CCDC90B: variants seen among roughly 807,000 people sequenced by gnomAD.
The protein encoded by CCDC90B is coiled-coil domain containing 90B.
Under a neutral mutation model 37.0 loss-of-function variants are expected in CCDC90B, and 24 were observed. The ratio of observed to expected loss-of-function variants is 0.65; its 90% CI spans 0.47 to 0.91. The LOEUF is 0.91. Among genes scored for constraint, CCDC90B ranks in the 40% least tolerant of loss-of-function variants. The pLI, the probability that CCDC90B is intolerant of heterozygous loss-of-function variation, is 0.00. For missense variants in CCDC90B, 319 were observed against 299.0 expected, an observed-to-expected ratio of 1.07 and a Z score of -0.49; for synonymous variants, 113 against 101.1, an observed-to-expected ratio of 1.12 and a Z score of -0.71.
chr11:83,262,850 A>G (rs1038017939), intron 8 of CCDC90B, among the ~76,000 whole-genome samples: 1 of 152,210 alleles, frequency 6.6e-6, no homozygotes, highest in African/African-American at 2.4e-5. Flanking sequence ...TAATAACACT[A>G]AGAGTTTCTT....
chr11:83,274,775 T>C (rs771202224), intron 3 of CCDC90B, 35 bp from the exon 4 acceptor site: 10 of 1,273,212 alleles, frequency 7.9e-6, no homozygotes, highest in South Asian at 3.8e-5. Flanking sequence ...TAGTGATCTA[T>C]AGAAAGCCAT....
At position 83,274,753 on chromosome 11, in the gene CCDC90B, A is replaced by G; in HGVS notation, c.325-13T>C. The stretch of plus-strand genomic sequence containing the variant: ...GTACTGTTATTTCCTAGAAAACAAA[A>G]TAAAAATAACCTAGTGATCTATAGA... On this transcript the variant is annotated splice_polypyrimidine_tract_variant and intron_variant, in intron 3 of 8. Transcript: ENST00000529689. The G allele has an allele frequency of 6.6e-7, 1 of 1,519,590 alleles. No homozygotes were observed. Among genetic ancestry groups the G allele is most frequent in the Admixed American group, 1.7e-5 (1 of 57,246 alleles). 94.1% of individuals were successfully genotyped at this position (1,519,590 alleles called of 1,614,324 possible). A position where few individuals can be genotyped will look rare whatever the true frequency, so the allele number is the denominator to read the frequency against.
chr11:83,269,329 G>C (rs970533402), intron 7 of CCDC90B, among the ~76,000 whole-genome samples: 2 of 151,902 alleles, frequency 1.3e-5, no homozygotes, highest in African/African-American at 4.8e-5. Flanking sequence ...AGAGATAAGA[G>C]ACACAACAAA....
intron 4 of CCDC90B, chr11:83,274,341 A>G: frequency 3.7e-6 from 1 of 271,950 alleles, no homozygotes; most frequent in Non-Finnish European, 6.7e-6. Flanking sequence ...AAAATGCCGT[A>G]TTACTCTCAG....
intron 5 of CCDC90B, 28 bp from the exon 6 acceptor site, chr11:83,273,892 AATG>A: frequency 6.3e-7 from 1 of 1,596,448 alleles, no homozygotes; most frequent in Non-Finnish European, 8.5e-7. Context: ...ATATTTAAAA[AATG>A]ATCTTGTAAC....
In CCDC90B at chr11:83,273,714, A is replaced by G. The variant is rs2135631193; in HGVS notation, c.541-14T>C. 1 of 1,604,616 alleles carries G rather than the reference A, an allele frequency of 6.2e-7. No homozygotes were observed. Among genetic ancestry groups the G allele is most frequent in the Non-Finnish European group, 8.5e-7 (1 of 1,177,246 alleles). On this transcript the variant is annotated splice_polypyrimidine_tract_variant and intron_variant, in intron 6 of 8. Coordinates refer to ENST00000529689, the MANE Select transcript of CCDC90B (RefSeq NM_021825.5). The stretch of plus-strand genomic sequence containing the variant: ...TTGATCTGTAAACTATAGGATATGA[A>G]GCAGCAGGAAGTTAAAAAAAAAGTC...
At chr11:83,271,205 T>C (rs558540878) in intron 7 of CCDC90B, among the ~76,000 whole-genome samples, 6 of 152,304 alleles carry the variant, frequency 3.9e-5, no homozygotes, top group East Asian at 1.9e-4. Context: ...ATTCAGGACA[T>C]AGGCATGTGC....
chr11:83,273,555 T>TA, intron 7 of CCDC90B, 92 bp downstream of exon 7: 1 of 1,016,504 alleles, frequency 9.8e-7, no homozygotes, highest in African/African-American at 1.6e-5. Flanking sequence ...GGGTAGTTTT[T>TA]AAAAGTCTAA....
chr11:83,274,277 C>T (rs1158800870), intron 4 of CCDC90B: 2 of 307,338 alleles, frequency 6.5e-6, no homozygotes, highest in Non-Finnish European at 1.2e-5. Flanking sequence ...GACTTAATTA[C>T]AGAAATATAC....
intron 1 of CCDC90B, among the ~76,000 whole-genome samples, chr11:83,284,277 C>T (rs899971024): frequency 2.0e-5 from 3 of 152,222 alleles, no homozygotes; most frequent in African/African-American, 7.2e-5. Flanking sequence ...GCCTATCTTG[C>T]ACCAAGCTCC....
chr11:83,280,000 T>G, intron 2 of CCDC90B, 141 bp downstream of exon 2: 2 of 722,088 alleles, frequency 2.8e-6, no homozygotes, highest in Non-Finnish European at 4.2e-6. Flanking sequence ...AGTATCATTT[T>G]TAGTGACTAT....
Position 83,278,716 on chromosome 11 carries a change from AGTGTATTACCT to A in CCDC90B, c.323_324+9del. 1 of 1,505,510 alleles carries A rather than the reference AGTGTATTACCT, an allele frequency of 6.6e-7. No homozygotes were observed. The highest frequency in any genetic ancestry group is 9.2e-7 in the Non-Finnish European group (1 of 1,086,302). 93.3% of individuals were successfully genotyped at this position (1,505,510 alleles called of 1,614,324 possible). Reference sequence around the variant, plus strand: ...GAAAGTATCAGAAGTGATAGTAATCAGTGTATTACCTGTTGAGCTTGAGTGACCATCTCTTT... The same window carrying A: ...GAAAGTATCAGAAGTGATAGTAATCAGTTGAGCTTGAGTGACCATCTCTTT... On this transcript the variant is annotated splice_donor_variant and splice_donor_5th_base_variant and coding_sequence_variant and intron_variant, in exon 3 of 9. Coordinates refer to ENST00000529689, the MANE Select transcript of CCDC90B (RefSeq NM_021825.5). LOFTEE classifies it high-confidence loss of function.
chr11:83,261,610 CAAACATAAG>C lies in CCDC90B; in HGVS notation c.*292_*300del, dbSNP rs1382003745. On this transcript the variant is annotated 3_prime_UTR_variant, in exon 9 of 9. Transcript: ENST00000529689. Reference sequence around the variant, plus strand: ...TGTATGATTTACACAACTGTTCAAGCAAACATAAGAAAACTCTGGTTCAATTTCTATTAA... The same window carrying C: ...TGTATGATTTACACAACTGTTCAAGCAAAACTCTGGTTCAATTTCTATTAA... 1 of 210,980 alleles carries C rather than the reference CAAACATAAG, an allele frequency of 4.7e-6. No individual in the cohort carries two copies. The highest frequency in any genetic ancestry group is 2.3e-5 in the African/African-American group (1 of 43,514). The allele number at this position is 210,980 out of a possible 1,614,324, so 13.1% of individuals were successfully genotyped here.
At chr11:83,271,819 T>C (rs1864691932) in intron 7 of CCDC90B, among the ~76,000 whole-genome samples, 1 of 152,206 alleles carries the variant, frequency 6.6e-6, no homozygotes, top group Non-Finnish European at 1.5e-5. Flanking sequence ...TGCACACGTA[T>C]GTTTATTGAG....
At chr11:83,274,086 A>C (rs1049320226) in intron 4 of CCDC90B, 94 bp from the exon 5 acceptor site, 2 of 911,612 alleles carry the variant, frequency 2.2e-6, no homozygotes, top group Admixed American at 3.3e-5. Flanking sequence ...AAATTTGGAC[A>C]ATCTATGGAT....
chr11:83,268,152 G>A (rs1319793797), intron 7 of CCDC90B, among the ~76,000 whole-genome samples: 1 of 152,104 alleles, frequency 6.6e-6, no homozygotes, highest in Non-Finnish European at 1.5e-5. Context: ...GCAAAAACAT[G>A]CCAAATTGTA....
intron 1 of CCDC90B, 190 bp downstream of exon 1, chr11:83,285,683 C>T (rs1865640372): frequency 7.0e-7 from 1 of 1,422,080 alleles, no homozygotes; most frequent in African/African-American, 1.4e-5. Flanking sequence ...CAGTGCTTTC[C>T]TCAGTCCTCG....
intron 7 of CCDC90B, among the ~76,000 whole-genome samples, chr11:83,272,223 C>A (rs943800353): frequency 2.0e-5 from 3 of 152,118 alleles, no homozygotes; most frequent in Non-Finnish European, 2.9e-5. Flanking sequence ...ACGTTGTGCA[C>A]ATGTACCCTA....
chr11:83,281,258 T>C (rs1301356513), intron 1 of CCDC90B, among the ~76,000 whole-genome samples: 3 of 152,200 alleles, frequency 2.0e-5, no homozygotes, highest in African/African-American at 7.2e-5. Flanking sequence ...CCACTAGTAC[T>C]GTGTAGGACA....
Sources: allele counts gnomAD v4.1 joint callset (sites outside exome capture counted in the v4.1 genomes callset), GRCh38; gene constraint gnomAD v4.1.1; transcripts MANE v1.5; gene names NCBI Gene and HGNC (gene_info 2026-07-23, HGNC 2026-07-21).